The following SEC14L1 variants were observed in gnomAD, a reference collection of about 807,000 sequenced individuals.
SEC14L1 encodes the protein SEC14-like protein 1.
SEC14L1 carries 48 observed loss-of-function variants against 85.3 expected under a neutral mutation model. The ratio of observed to expected loss-of-function variants is 0.56; its 90% CI spans 0.45 to 0.72. The LOEUF is 0.72. Among genes scored for constraint, SEC14L1 ranks in the 30% least tolerant of loss-of-function variants. The pLI is 0.00. For missense variants in SEC14L1, 682 were observed against 921.4 expected, an observed-to-expected ratio of 0.74 and a Z score of 3.36; for synonymous variants, 391 against 355.5, an observed-to-expected ratio of 1.10 and a Z score of -1.12.
rs1316115722 is a variant in SEC14L1 at position 77,213,916 on chromosome 17, A to G, written c.2043-2A>G. On this transcript the variant is annotated splice_acceptor_variant, in intron 16 of 16. Coordinates refer to ENST00000436233, the MANE Select transcript of SEC14L1 (RefSeq NM_001143998.2). LOFTEE classifies it high-confidence loss of function. The surrounding 1 kb of genome is among the most constrained non-coding windows in gnomAD (Gnocchi z 7.1). The stretch of plus-strand genomic sequence containing the variant: ...GCCTCGCCCCTCCCTGTGCCATTAC[A>G]GAGGTTCCATGACGAGCCTGGAGTC... 4 of 1,612,808 alleles carry G rather than the reference A, an allele frequency of 2.5e-6. No individual in the cohort carries two copies. Among genetic ancestry groups the G allele is most frequent in the Non-Finnish European group, 2.5e-6 (3 of 1,179,578 alleles).
intron 3 of SEC14L1, among the ~76,000 whole-genome samples, chr17:77,122,306 C>CT (rs113137425): frequency 0.031 from 4,485 of 143,428 alleles, 125 homozygotes; most frequent in African/African-American, 0.066. Context: ...TCTTCATCTT[C>CT]TTTTTTTTTT....
At chr17:77,164,279 C>T (rs1974194745) in intron 3 of SEC14L1, among the ~76,000 whole-genome samples, 1 of 152,220 alleles carries the variant, frequency 6.6e-6, no homozygotes, top group Non-Finnish European at 1.5e-5. Context: ...TCATAATTCC[C>T]AACAGGGCCA....
chr17:77,162,340 C>T (rs1473377890), intron 3 of SEC14L1, among the ~76,000 whole-genome samples: 1 of 152,058 alleles, frequency 6.6e-6, no homozygotes, highest in Non-Finnish European at 1.5e-5. Context: ...TATGGGCAAC[C>T]CTTCAGTGCA....
chr17:77,153,586 C>G (rs1031268400), intron 3 of SEC14L1, among the ~76,000 whole-genome samples: 19 of 152,196 alleles, frequency 1.2e-4, no homozygotes, highest in African/African-American at 3.9e-4. Context: ...TCATTTTGTA[C>G]TGAAAGCAGG....
At chr17:77,208,898 T>G (rs935189968) in intron 13 of SEC14L1, among the ~76,000 whole-genome samples, 28 of 152,254 alleles carry the variant, frequency 1.8e-4, no homozygotes, top group African/African-American at 6.3e-4. Context: ...ACCAGTCATT[T>G]GACTTTAGAC....
intron 14 of SEC14L1, 126 bp downstream of exon 14, chr17:77,209,602 CT>C: frequency 2.1e-6 from 2 of 945,218 alleles, no homozygotes; most frequent in Admixed American, 3.1e-5. Flanking sequence ...TGTCTTTAGG[CT>C]TTTGTTGACA....
At chr17:77,106,968 G>A (rs1474966091) in intron 3 of SEC14L1, among the ~76,000 whole-genome samples, 2 of 152,198 alleles carry the variant, frequency 1.3e-5, no homozygotes, top group East Asian at 3.8e-4. Context: ...CGGCCACCAG[G>A]GTGGCATTTT....
At chr17:77,107,670 G>C (rs1279107605) in intron 3 of SEC14L1, among the ~76,000 whole-genome samples, 1 of 152,144 alleles carries the variant, frequency 6.6e-6, no homozygotes, top group African/African-American at 2.4e-5. Flanking sequence ...CACACCGAGG[G>C]GCTTGGGGGA....
In SEC14L1 at chr17:77,207,993, G is replaced by A. The variant is rs187492628; in HGVS notation, c.1476+1131G>A. On this transcript the variant is annotated intron_variant, in intron 13 of 16. Coordinates refer to ENST00000436233, the MANE Select transcript of SEC14L1 (RefSeq NM_001143998.2). ...CCCAGTGACTTGTTCCATGGCACAC[G>A]GCGGTGGCTGAACTCAGCAGGGAGT... is the stretch of plus-strand genomic sequence containing the variant. Among the ~76,000 whole-genome samples, 37 of 152,278 alleles carry A rather than the reference G, an allele frequency of 2.4e-4. No homozygotes were observed. The East Asian group carries it at 5.2e-3, about 21-fold the overall frequency.
In SEC14L1 at chr17:77,150,384, C is replaced by G. The variant is rs979757910; in HGVS notation, c.63+6725C>G. Among the ~76,000 whole-genome samples, 6 of 152,286 alleles carry G rather than the reference C, an allele frequency of 3.9e-5. No individual in the cohort carries two copies. In the East Asian group the frequency reaches 7.7e-4, roughly 20 times the overall value. The stretch of plus-strand genomic sequence containing the variant: ...GACCTGGTGATGCCACAGTCTCCCC[C>G]TCTCCCTTCCAGATACCCTGCCCCT... On this transcript the variant is annotated intron_variant, in intron 3 of 16. Coordinates refer to ENST00000436233, the MANE Select transcript of SEC14L1 (RefSeq NM_001143998.2).
intron 3 of SEC14L1, among the ~76,000 whole-genome samples, chr17:77,185,899 G>A (rs1598362346): frequency 6.6e-6 from 1 of 152,200 alleles, no homozygotes. Context: ...TACATAAAGT[G>A]TATGAAGAGA....
intron 3 of SEC14L1, among the ~76,000 whole-genome samples, chr17:77,176,373 C>G (rs981159889): frequency 1.3e-5 from 2 of 152,078 alleles, no homozygotes; most frequent in Non-Finnish European, 2.9e-5. Context: ...GAAACTGTGC[C>G]AAATGAGAAG....
intron 2 of SEC14L1, 48 bp from the exon 3 acceptor site, chr17:77,143,515 ATAAT>A: frequency 9.1e-7 from 1 of 1,093,560 alleles, no homozygotes; most frequent in Non-Finnish European, 1.4e-6. Context: ...AGACTTACTA[ATAAT>A]TTGTTTCTGC....
At chr17:77,177,037 A>C (rs1426926428) in intron 3 of SEC14L1, among the ~76,000 whole-genome samples, 1 of 152,008 alleles carries the variant, frequency 6.6e-6, no homozygotes, top group Non-Finnish European at 1.5e-5. Context: ...TAAGTTTATT[A>C]TTTTTTCAAA....
At chr17:77,100,013 G>A (rs1195429990) in intron 3 of SEC14L1, among the ~76,000 whole-genome samples, 4 of 152,166 alleles carry the variant, frequency 2.6e-5, no homozygotes, top group African/African-American at 4.8e-5. Flanking sequence ...AAAATTCATA[G>A]AACTAAAAGG....
In SEC14L1 at chr17:77,143,792, A is replaced by C. The variant is rs1973159059; in HGVS notation, c.63+133A>C. ...ACTTACTCTGTTTTTATGCTTATGA[A>C]CCGTATCTAGAGTGTGTAAAATGTT... On this transcript the variant is annotated intron_variant, in intron 3 of 16. Transcript: ENST00000436233. 4.6e-6 allele frequency: 3 copies of C among 657,114 alleles called. No individual in the cohort carries two copies. In the South Asian group the frequency reaches 5.9e-5, roughly 13 times the overall value. 40.7% of individuals were successfully genotyped at this position (657,114 alleles called of 1,614,324 possible). A position where few individuals can be genotyped will look rare whatever the true frequency, so the allele number is the denominator to read the frequency against.
chr17:77,114,440 C>A (rs985973460), intron 3 of SEC14L1, among the ~76,000 whole-genome samples: 9 of 151,838 alleles, frequency 5.9e-5, no homozygotes, highest in Non-Finnish European at 1.3e-4. Context: ...AGGAGAATCG[C>A]TTGAACCTGG....
rs1459641453 is a variant in SEC14L1 at position 77,200,555 on chromosome 17, C to T, written c.891C>T (p.Ile297=). 6.2e-7 allele frequency: 1 copy of T among 1,613,834 alleles called. No homozygotes were observed. The highest frequency in any genetic ancestry group is 1.7e-5 in the Admixed American group (1 of 59,988). Residue 297 remains isoleucine (I), a synonymous_variant, in exon 9 of 17, where the codon ATC becomes ATT. Transcript: ENST00000436233. Reference sequence around the variant, plus strand: ...TTAATATTGACAAAGCCAGAGAGATCATGTGTCAGTCTTTGACGTGGAGAA... The same window carrying T: ...TTAATATTGACAAAGCCAGAGAGATTATGTGTCAGTCTTTGACGTGGAGAA... ...RDFNIDKARE[I]MCQSLTWRKQ...
intron 13 of SEC14L1, among the ~76,000 whole-genome samples, chr17:77,207,338 C>T (rs911830912): frequency 2.0e-5 from 3 of 151,096 alleles, no homozygotes; most frequent in African/African-American, 4.9e-5. Context: ...TCAGGTGATC[C>T]TCCCACCTCA....
Sources: allele counts gnomAD v4.1 joint callset (sites outside exome capture counted in the v4.1 genomes callset), GRCh38; gene constraint gnomAD v4.1.1; non-coding constraint Gnocchi (gnomAD v3.1); transcripts MANE v1.5; gene names NCBI Gene and HGNC (gene_info 2026-07-23, HGNC 2026-07-21).